ZNF235: variants seen among roughly 807,000 people sequenced by gnomAD.
The protein encoded by ZNF235 is zinc finger protein 235.
Under a neutral mutation model 29.4 loss-of-function variants are expected in ZNF235, and 25 were observed. That is an observed-to-expected ratio of 0.85 (90% confidence interval 0.62 to 1.19). The LOEUF (loss-of-function observed/expected upper bound fraction) is 1.19, where lower values mean the gene tolerates loss of function less well. ZNF235 is among the 50% of genes most tolerant of loss of function. ZNF235 has a pLI of 0.00. For missense variants in ZNF235, 788 were observed against 885.0 expected (o/e 0.89, Z 1.39); for synonymous variants, 300 against 295.3 (o/e 1.02, Z -0.16).
At chr19:44,303,098 A>G (rs1347658599) in intron 2 of ZNF235, among the ~76,000 whole-genome samples, 2 of 70,280 alleles carry the variant, frequency 2.8e-5, no homozygotes, top group Non-Finnish European at 5.5e-5. Context: ...ATATACAAAT[A>G]TACGTATATT....
chr19:44,299,992 A>C (rs931198892), intron 2 of ZNF235, among the ~76,000 whole-genome samples: 8 of 152,154 alleles, frequency 5.3e-5, no homozygotes, highest in Non-Finnish European at 1.0e-4. Flanking sequence ...TTTTGCATTA[A>C]TTTCTTCCCA....
intron 4 of ZNF235, chr19:44,290,809 T>G (rs370469696): frequency 7.8e-5 from 12 of 153,212 alleles, no homozygotes; most frequent in African/African-American, 2.7e-4. Context: ...AAGACACCTT[T>G]CCCCTCTGAA....
Position 44,303,459 on chromosome 19 carries a change from G to C in ZNF235, c.-48-7C>G. On this transcript the variant is annotated splice_polypyrimidine_tract_variant and splice_region_variant and intron_variant, in intron 1 of 4. Coordinates refer to ENST00000291182, the MANE Select transcript of ZNF235 (RefSeq NM_004234.4). ...GAGTTCCGGGGAAGTGAACCTGAGG[G>C]AGGGAAAGGCATCATGAGATAGGTT... 1 of 1,599,752 alleles carries C rather than the reference G, an allele frequency of 6.3e-7. No individual in the cohort carries two copies. Among genetic ancestry groups the C allele is most frequent in the Non-Finnish European group, 8.5e-7 (1 of 1,171,174 alleles).
intron 2 of ZNF235, among the ~76,000 whole-genome samples, chr19:44,301,471 CT>C (rs199636863): frequency 0.066 from 9,706 of 147,136 alleles, 365 homozygotes; most frequent in East Asian, 0.15. Context: ...TGAATAGTCT[CT>C]TTTTTTTTTT....
At position 44,289,366 on chromosome 19, in the gene ZNF235, C is replaced by T. The variant is rs1292439333; in HGVS notation, c.239-170G>A. 4 of 605,022 alleles carry T rather than the reference C, an allele frequency of 6.6e-6. No homozygotes were observed. In the East Asian group the frequency reaches 1.2e-4, roughly 18 times the overall value. The allele number at this position is 605,022 out of a possible 1,614,324, so 37.5% of individuals were successfully genotyped here. A position where few individuals can be genotyped will look rare whatever the true frequency, so the allele number is the denominator to read the frequency against. ...AAAGCAGCTGCAACCAAGAGAACAC[C>T]AAATGTTTTAAAAAGCCATATTTAA... On this transcript the variant is annotated intron_variant, in intron 4 of 4. Transcript: ENST00000291182.
intron 1 of ZNF235, 31 bp downstream of exon 1, chr19:44,304,940 G>C (rs1248592196): frequency 1.0e-6 from 1 of 985,346 alleles, no homozygotes; most frequent in South Asian, 4.7e-5. Context: ...AGAGGGCTCG[G>C]AGAAGTCTTG....
intron 4 of ZNF235, chr19:44,297,029 C>G (rs1309441859): frequency 6.6e-6 from 1 of 152,086 alleles, no homozygotes; most frequent in Non-Finnish European, 1.5e-5. Context: ...GGAAAAAGGT[C>G]TCAAATCAAC....
At chr19:44,302,494 G>A (rs897574795) in intron 2 of ZNF235, among the ~76,000 whole-genome samples, 2 of 152,018 alleles carry the variant, frequency 1.3e-5, no homozygotes, top group African/African-American at 4.8e-5. Flanking sequence ...TGTGAGAGTT[G>A]TTTTCCATTT....
chr19:44,291,576 G>C (rs1416800595), intron 4 of ZNF235, among the ~76,000 whole-genome samples: 3 of 152,150 alleles, frequency 2.0e-5, no homozygotes, highest in South Asian at 2.1e-4. Flanking sequence ...GATGAGAGGT[G>C]ACATCACTAT....
rs1243327158 is a variant in ZNF235 at position 44,288,828 on chromosome 19, T to G, written c.607A>C (p.Met203Leu). 2.5e-6 allele frequency: 4 copies of G among 1,612,916 alleles called. No homozygotes were observed. In the African/African-American group the frequency reaches 5.3e-5, roughly 22 times the overall value. The stretch of plus-strand genomic sequence containing the variant: ...GCAAATATACATAGTTTGTTTTTCA[T>G]CTGAGTCTGCTTACAACTTCTCTGA... ...NYQRSCKQTQMKNKLCIFAPY... is the reference protein window; with the variant it reads ...NYQRSCKQTQLKNKLCIFAPY... Residue 203 changes from methionine (M) to leucine (L), a missense_variant, in exon 5 of 5, where the codon ATG becomes CTG. Transcript: ENST00000291182.
chr19:44,302,854 A>G (rs1228510456), intron 2 of ZNF235, among the ~76,000 whole-genome samples: 1 of 129,266 alleles, frequency 7.7e-6, no homozygotes, highest in Non-Finnish European at 1.7e-5. Flanking sequence ...ATATGAGTAA[A>G]TATATACTTA....
chr19:44,299,870 G>A, intron 2 of ZNF235, 138 bp from the exon 3 acceptor site: 1 of 1,331,122 alleles, frequency 7.5e-7, no homozygotes, highest in Non-Finnish European at 1.1e-6. Flanking sequence ...AAAACACCTT[G>A]TACATGTAAC....
rs1009941383 is a variant in ZNF235, at chr19:44,287,171, G to A, written c.*47C>T. 2 of 1,514,478 alleles carry A rather than the reference G, an allele frequency of 1.3e-6. No homozygotes were observed. The highest frequency in any genetic ancestry group is 1.8e-6 in the Non-Finnish European group (2 of 1,130,726). The allele number at this position is 1,514,478 out of a possible 1,614,324, so 93.8% of individuals were successfully genotyped here. On this transcript the variant is annotated 3_prime_UTR_variant, in exon 5 of 5. Transcript: ENST00000291182. ...TCATCAGCATGGACTTCCCAACGGA[G>A]ACAAAGATGTGAGCTCTAACTGAAG...
In ZNF235 at chr19:44,289,054, T is replaced by C. The variant is rs984595857; in HGVS notation, c.381A>G (p.Glu127=). The change falls in exon 5 of 5, where the codon GAA becomes GAG. Residue 127 remains glutamate, a synonymous_variant. Transcript: ENST00000291182. ...ARSQDSMINI[E]GKSSQFPKHH... is the part of the protein sequence containing the mutation. ...GCTTGGGGAACTGAGAGCTCTTTCC[T>C]TCAATATTTATCATGGAGTCTTGAC... 27 of 1,614,014 alleles carry C rather than the reference T, an allele frequency of 1.7e-5. No homozygotes were observed. The highest frequency in any genetic ancestry group is 2.2e-5 in the Non-Finnish European group (26 of 1,180,020).
chr19:44,293,400 C>T (rs1447672933), intron 4 of ZNF235, among the ~76,000 whole-genome samples: 1 of 151,934 alleles, frequency 6.6e-6, no homozygotes. Context: ...AGTATATACA[C>T]ACCAAACATC....
At chr19:44,294,724 A>C (rs769962387) in intron 4 of ZNF235, among the ~76,000 whole-genome samples, 5 of 152,102 alleles carry the variant, frequency 3.3e-5, no homozygotes, top group Non-Finnish European at 4.4e-5. Context: ...ATAGCACATC[A>C]AAAAGATAAG....
chr19:44,292,027 C>T (rs918297466), intron 4 of ZNF235, among the ~76,000 whole-genome samples: 3 of 151,944 alleles, frequency 2.0e-5, no homozygotes, highest in African/African-American at 7.2e-5. Context: ...TCAAATCTAA[C>T]AATGTATAAA....
chr19:44,304,680 A>T, intron 1 of ZNF235: 1 of 974,208 alleles, frequency 1.0e-6, no homozygotes, highest in Non-Finnish European at 1.2e-6. Flanking sequence ...AACTGAGACA[A>T]GGAGAGATTA....
intron 4 of ZNF235, chr19:44,289,813 A>G (rs1334872691): frequency 1.3e-5 from 2 of 152,236 alleles, no homozygotes; most frequent in African/African-American, 4.8e-5. Context: ...AACTACATAA[A>G]TCAGGCAAAA....
Sources: gnomAD v4.1 joint callset for allele counts (sites outside exome capture counted in the v4.1 genomes callset) on GRCh38, gnomAD v4.1.1 for gene constraint, MANE v1.5 for transcripts, NCBI Gene and HGNC (gene_info 2026-07-23, HGNC 2026-07-21) for gene names.